PHF21B: variants seen among roughly 807,000 people sequenced by gnomAD.
PHF21B encodes the protein PHD finger protein 4.
A neutral mutation model predicts 62.2 loss-of-function variants in PHF21B; 22 were observed. The observed-to-expected ratio is 0.35, with a 90% CI of 0.25 to 0.51. PHF21B has a LOEUF of 0.51. Ranked by LOEUF, PHF21B falls within the 20% of genes least tolerant of loss-of-function variation. The pLI is 0.97. For missense variants in PHF21B, 701 were observed against 707.9 expected, an observed-to-expected ratio of 0.99 and a Z score of 0.11; for synonymous variants, 341 against 314.7, an observed-to-expected ratio of 1.08 and a Z score of -0.88.
rs774313263 is a variant in PHF21B, at chr22:44,884,500, TCAC to T, written c.1377+923_1377+925del. 1.2e-4 allele frequency among the ~76,000 whole-genome samples: 17 copies of T among 142,636 alleles called. 1 individual carries two copies. The East Asian group carries it at 1.8e-3, about 15-fold the overall frequency. 93.6% of individuals were successfully genotyped at this position (142,636 alleles called of 152,430 possible). A position where few individuals can be genotyped will look rare whatever the true frequency, so the allele number is the denominator to read the frequency against. On this transcript the variant is annotated intron_variant, in intron 12 of 12. Transcript: ENST00000313237. ...ATCACCACCACCATGATCACCATCG[TCAC>T]CACCACCACCATCACTGTGATCAGC...
At position 45,009,289 on chromosome 22, in the gene PHF21B, A is replaced by C; in HGVS notation, c.54+207T>G. On this transcript the variant is annotated intron_variant, in intron 1 of 12. Coordinates refer to ENST00000313237, the MANE Select transcript of PHF21B (RefSeq NM_138415.5). The surrounding 1 kb of genome is among the most constrained non-coding windows in gnomAD (Gnocchi z 5.9). ...GGGTCCCACGCGTCCTCGATCCCGCAAACTGTGCAGGACAGCGCCAGGGGC... is the reference window on the plus strand; with the variant it reads ...GGGTCCCACGCGTCCTCGATCCCGCCAACTGTGCAGGACAGCGCCAGGGGC... 1.7e-6 allele frequency: 1 copy of C among 574,850 alleles called. No individual in the cohort carries two copies. 35.6% of individuals were successfully genotyped at this position (574,850 alleles called of 1,614,324 possible).
At chr22:44,993,066 G>A (rs1884170961) in intron 2 of PHF21B, among the ~76,000 whole-genome samples, 1 of 152,134 alleles carries the variant, frequency 6.6e-6, no homozygotes, top group South Asian at 2.1e-4. Context: ...GAGATGCCAG[G>A]GAACACAAGG....
intron 2 of PHF21B, among the ~76,000 whole-genome samples, chr22:45,004,085 G>A (rs2073269552): frequency 6.6e-6 from 1 of 152,110 alleles, no homozygotes; most frequent in South Asian, 2.1e-4. Flanking sequence ...TGGGGAAGGG[G>A]GAAAGGGGAG....
At chr22:44,972,811 G>A (rs950978628) in intron 2 of PHF21B, among the ~76,000 whole-genome samples, 15 of 152,256 alleles carry the variant, frequency 9.9e-5, no homozygotes, top group Admixed American at 3.3e-4. Flanking sequence ...CTGTGTGTCC[G>A]TCCCCCTACA....
intron 2 of PHF21B, among the ~76,000 whole-genome samples, chr22:44,933,868 G>T (rs971064000): frequency 6.6e-6 from 1 of 152,170 alleles, no homozygotes; most frequent in Non-Finnish European, 1.5e-5. Context: ...GAATACAAAT[G>T]ATTTACACAA....
chr22:44,941,340 G>A lies in PHF21B; in HGVS notation c.121-20850C>T, dbSNP rs183186206. Among the ~76,000 whole-genome samples, 5 of 152,350 alleles carry A rather than the reference G, an allele frequency of 3.3e-5. No homozygotes were observed. In the East Asian group the frequency reaches 5.8e-4, roughly 18 times the overall value. ...TCTCAGCGGGGACTTCGGGGGCTGT[G>A]CCCTTCCAGGGCTGTTTGCCCCGGA... On this transcript the variant is annotated intron_variant, in intron 2 of 12. Coordinates refer to ENST00000313237, the MANE Select transcript of PHF21B (RefSeq NM_138415.5).
intron 2 of PHF21B, chr22:44,966,907 T>A (rs2072538003): frequency 6.6e-6 from 1 of 152,068 alleles, no homozygotes; most frequent in Admixed American, 6.6e-5. Flanking sequence ...GGCTGATCTG[T>A]CTCCCACCCC....
chr22:44,933,203 C>T (rs1297594784), intron 2 of PHF21B, among the ~76,000 whole-genome samples: 1 of 151,958 alleles, frequency 6.6e-6, no homozygotes, highest in East Asian at 1.9e-4. Flanking sequence ...CTTCTGCCTC[C>T]TGGGTTCAAG....
At chr22:45,002,639 A>C (rs1317174205) in intron 2 of PHF21B, among the ~76,000 whole-genome samples, 1 of 152,058 alleles carries the variant, frequency 6.6e-6, no homozygotes, top group Non-Finnish European at 1.5e-5. Context: ...GGCATCCTTC[A>C]CACTCCTCCC....
chr22:44,960,760 G>C (rs1044562532), intron 2 of PHF21B, among the ~76,000 whole-genome samples: 1 of 152,164 alleles, frequency 6.6e-6, no homozygotes, highest in Non-Finnish European at 1.5e-5. Context: ...AGTAAGAGAA[G>C]TCCTGCTGTC....
rs541672594 is a variant in PHF21B at position 44,948,640 on chromosome 22, G to A, written c.121-28150C>T. Among the ~76,000 whole-genome samples the A allele has an allele frequency of 1.8e-4, 27 of 150,994 alleles. No homozygotes were observed. In the East Asian group the frequency reaches 5.1e-3, roughly 29 times the overall value. Reference sequence around the variant, plus strand: ...CGGGAGGCAGAGGTGGCAGTGAGCCGAGACTGTGCCACTGCACTCCAGCAT... The same window carrying A: ...CGGGAGGCAGAGGTGGCAGTGAGCCAAGACTGTGCCACTGCACTCCAGCAT... On this transcript the variant is annotated intron_variant, in intron 2 of 12. Coordinates refer to ENST00000313237, the MANE Select transcript of PHF21B (RefSeq NM_138415.5).
In PHF21B at chr22:44,939,731, C is replaced by G. The variant is rs139245451; in HGVS notation, c.121-19241G>C. 5.4e-3 allele frequency among the ~76,000 whole-genome samples: 816 copies of G among 152,086 alleles called. 3 individuals are homozygous for G. Among genetic ancestry groups the G allele is most frequent in the Non-Finnish European group, 9.0e-3 (609 of 67,978 alleles). On this transcript the variant is annotated intron_variant, in intron 2 of 12. Transcript: ENST00000313237. The stretch of plus-strand genomic sequence containing the variant: ...CTAGGGAGGGGCGAAGGGATAGGGC[C>G]GAAGGCAGCAAAGGCCACCTGCAGG...
intron 2 of PHF21B, among the ~76,000 whole-genome samples, chr22:44,961,870 AAAT>A (rs1357104424): frequency 3.3e-5 from 5 of 151,368 alleles, no homozygotes; most frequent in African/African-American, 4.9e-5. Flanking sequence ...ATAAATAAAT[AAAT>A]AAATAAATAA....
chr22:44,905,244 A>G (rs1006726464), intron 5 of PHF21B, among the ~76,000 whole-genome samples: 4 of 152,066 alleles, frequency 2.6e-5, no homozygotes, highest in African/African-American at 9.7e-5. Context: ...TTTCTTTTAC[A>G]TGTTTGCATC....
At chr22:44,950,280 G>A (rs886084001) in intron 2 of PHF21B, among the ~76,000 whole-genome samples, 4 of 152,234 alleles carry the variant, frequency 2.6e-5, no homozygotes, top group Non-Finnish European at 4.4e-5. Context: ...GTTGCGTACC[G>A]CAGTGACTCA....
chr22:44,932,389 G>A (rs2071760019), intron 2 of PHF21B, among the ~76,000 whole-genome samples: 1 of 152,168 alleles, frequency 6.6e-6, no homozygotes, highest in African/African-American at 2.4e-5. Flanking sequence ...TTCCTAGCCA[G>A]GGGGCCCTGA....
rs375125560 is a variant in PHF21B, at chr22:44,933,633, C to T, written c.121-13143G>A. On this transcript the variant is annotated intron_variant, in intron 2 of 12. Transcript: ENST00000313237. ...TAAGCGTTAAGTGGGGTGGGGGAGC[C>T]GTCTGAGGTTGGTCACGCACCTCCA... is the stretch of plus-strand genomic sequence containing the variant. The T allele has an allele frequency of 5.1e-5, 35 of 685,626 alleles. No homozygotes were observed. The African/African-American group carries it at 6.8e-4, about 13-fold the overall frequency. 42.5% of individuals were successfully genotyped at this position (685,626 alleles called of 1,614,324 possible). A position where few individuals can be genotyped will look rare whatever the true frequency, so the allele number is the denominator to read the frequency against.
At position 44,948,528 on chromosome 22, in the gene PHF21B, AT is replaced by A. The variant is rs945564001; in HGVS notation, c.121-28039del. Among the ~76,000 whole-genome samples the A allele has an allele frequency of 3.5e-5, 5 of 144,156 alleles. No homozygotes were observed. In the Admixed American group the frequency reaches 3.8e-4, roughly 11 times the overall value. 94.6% of individuals were successfully genotyped at this position (144,156 alleles called of 152,430 possible). ...AAAATCCATCTCTACTAAAAATAAA[AT>A]AAAAAAAAACATTTAGCTAGGTGTG... On this transcript the variant is annotated intron_variant, in intron 2 of 12. Transcript: ENST00000313237.
chr22:44,924,477 T>G (rs528874218), intron 2 of PHF21B, among the ~76,000 whole-genome samples: 165 of 152,346 alleles, frequency 1.1e-3, no homozygotes, highest in African/African-American at 3.8e-3. Flanking sequence ...AGATGGGGCC[T>G]CCGGGAGGTG....
Sources: allele counts gnomAD v4.1 joint callset (sites outside exome capture counted in the v4.1 genomes callset), GRCh38; gene constraint gnomAD v4.1.1; non-coding constraint Gnocchi (gnomAD v3.1); transcripts MANE v1.5; gene names NCBI Gene and HGNC (gene_info 2026-07-23, HGNC 2026-07-21).